CCDC146: variants seen among roughly 807,000 people sequenced by gnomAD.
The protein encoded by CCDC146 is coiled-coil domain containing 146.
Under a neutral mutation model 119.3 loss-of-function variants are expected in CCDC146, and 92 were observed. That is an observed-to-expected ratio of 0.77 (90% CI 0.65 to 0.92). CCDC146 has a LOEUF of 0.92. Among genes scored for constraint, CCDC146 ranks in the 40% least tolerant of loss-of-function variants. The pLI, the probability that CCDC146 is intolerant of heterozygous loss-of-function variation, is 0.00. For missense variants in CCDC146, 1,000 were observed against 1,103.0 expected, an observed-to-expected ratio of 0.91 and a Z score of 1.32; for synonymous variants, 372 against 371.8, an observed-to-expected ratio of 1.00 and a Z score of -0.01.
At chr7:77,292,503 G>GCTACT (rs369940089) in intron 17 of CCDC146, among the ~76,000 whole-genome samples, 40 of 150,030 alleles carry the variant, frequency 2.7e-4, no homozygotes, top group African/African-American at 9.3e-4. Flanking sequence ...TGTAGTCCCA[G>GCTACT]CTACTCGGGA....
chr7:77,292,767 C>G (rs903816351), intron 17 of CCDC146, among the ~76,000 whole-genome samples, 185 bp from the exon 18 acceptor site: 5 of 152,104 alleles, frequency 3.3e-5, no homozygotes, highest in Non-Finnish European at 7.3e-5. Flanking sequence ...TCCTTACTTA[C>G]ACAGCCAGGG....
chr7:77,164,484 A>G (rs1262181042), intron 1 of CCDC146, among the ~76,000 whole-genome samples: 1 of 152,222 alleles, frequency 6.6e-6, no homozygotes, highest in Non-Finnish European at 1.5e-5. Flanking sequence ...ACCACTGGCT[A>G]TTAACATCAC....
intron 6 of CCDC146, among the ~76,000 whole-genome samples, chr7:77,257,516 A>C (rs577095856): frequency 5.1e-4 from 78 of 152,274 alleles, no homozygotes; most frequent in Admixed American, 1.6e-3. Context: ...AGTGAAGCTT[A>C]AGCTTCAGGC....
At chr7:77,221,209 G>T (rs1373670683) in intron 2 of CCDC146, among the ~76,000 whole-genome samples, 1 of 152,108 alleles carries the variant, frequency 6.6e-6, no homozygotes, top group Non-Finnish European at 1.5e-5. Context: ...CTCCAACACT[G>T]GGTATTACAA....
chr7:77,235,589 CA>C (rs1263535552), intron 2 of CCDC146, among the ~76,000 whole-genome samples: 1 of 152,124 alleles, frequency 6.6e-6, no homozygotes, highest in East Asian at 1.9e-4. Context: ...TCTTGAATAC[CA>C]AGGGTCTTGA....
rs1338610540 is a variant in CCDC146, at chr7:77,274,594, T to C, written c.1382T>C (p.Met461Thr). 1 of 1,613,348 alleles carries C rather than the reference T, an allele frequency of 6.2e-7. No individual in the cohort carries two copies. Among genetic ancestry groups the C allele is most frequent in the South Asian group, 1.1e-5 (1 of 90,962 alleles). ...GAGCTAGTAGTCAACCTTCTCCGCATGACTCAAATCAAAATTGATGAAAAG... is the reference window on the plus strand; with the variant it reads ...GAGCTAGTAGTCAACCTTCTCCGCACGACTCAAATCAAAATTGATGAAAAG... ...MKELVVNLLR[M>T]TQIKIDEKEQ... Residue 461 changes from methionine (M) to threonine (T), a missense_variant, in exon 11 of 19, where the codon ATG (methionine) becomes ACG (threonine). Physicochemically the swap from Met to Thr is moderately conservative, Grantham distance 81. Coordinates refer to ENST00000285871, the MANE Select transcript of CCDC146 (RefSeq NM_020879.3).
intron 11 of CCDC146, among the ~76,000 whole-genome samples, chr7:77,275,126 T>C (rs1793608977): frequency 1.3e-5 from 2 of 150,882 alleles, no homozygotes; most frequent in South Asian, 4.2e-4. Flanking sequence ...TTGAACTGCA[T>C]GGGTCCATTT....
intron 1 of CCDC146, among the ~76,000 whole-genome samples, chr7:77,160,444 T>C (rs1370255283): frequency 6.6e-6 from 1 of 152,194 alleles, no homozygotes. Flanking sequence ...TTTTATTTCC[T>C]TGAGCAGTGG....
intron 11 of CCDC146, among the ~76,000 whole-genome samples, chr7:77,275,434 C>G (rs1474353027): frequency 6.6e-6 from 1 of 152,128 alleles, no homozygotes; most frequent in African/African-American, 2.4e-5. Context: ...TAACAGTAAT[C>G]AACAATTTAG....
intron 2 of CCDC146, among the ~76,000 whole-genome samples, chr7:77,185,046 T>C (rs748629): frequency 1.2e-4 from 18 of 152,256 alleles, no homozygotes; most frequent in African/African-American, 4.3e-4. Flanking sequence ...AAATGGATAA[T>C]TATCTACAAG....
intron 2 of CCDC146, among the ~76,000 whole-genome samples, chr7:77,173,695 G>A (rs1252268792): frequency 1.3e-5 from 2 of 152,170 alleles, no homozygotes; most frequent in African/African-American, 2.4e-5. Flanking sequence ...GGCTGTGTGG[G>A]TTAATGTAGG....
intron 1 of CCDC146, among the ~76,000 whole-genome samples, chr7:77,125,673 A>G (rs1183622300): frequency 6.6e-6 from 1 of 152,108 alleles, no homozygotes; most frequent in Non-Finnish European, 1.5e-5. Context: ...AGCAGAGGTC[A>G]TAAGAGAGTT....
intron 1 of CCDC146, among the ~76,000 whole-genome samples, chr7:77,138,886 T>A (rs111778688): frequency 0.012 from 1,769 of 152,322 alleles, 26 homozygotes; most frequent in African/African-American, 0.04. Context: ...AAGAATGTGG[T>A]GCAACAGGAA....
chr7:77,140,168 T>C (rs1790913444), intron 1 of CCDC146, among the ~76,000 whole-genome samples: 1 of 152,014 alleles, frequency 6.6e-6, no homozygotes, highest in East Asian at 1.9e-4. Flanking sequence ...GTGCTGGGAT[T>C]AAAGGCATGA....
intron 1 of CCDC146, among the ~76,000 whole-genome samples, chr7:77,143,381 A>G (rs1489825016): frequency 1.3e-5 from 2 of 151,776 alleles, no homozygotes; most frequent in Admixed American, 6.6e-5. Flanking sequence ...CTTCACTCTG[A>G]TGGTAGTTTC....
intron 1 of CCDC146, among the ~76,000 whole-genome samples, chr7:77,148,184 T>G (rs1223897765): frequency 6.6e-6 from 1 of 152,106 alleles, no homozygotes; most frequent in Non-Finnish European, 1.5e-5. Flanking sequence ...TGAGCGAGGC[T>G]CCGTGGGTGT....
At chr7:77,164,026 A>T (rs1014991098) in intron 1 of CCDC146, among the ~76,000 whole-genome samples, 9 of 150,694 alleles carry the variant, frequency 6.0e-5, no homozygotes, top group African/African-American at 1.9e-4. Flanking sequence ...TGCCTGGCTA[A>T]TTTTTTTTGT....
At chr7:77,262,754 A>G (rs186100676) in intron 9 of CCDC146, among the ~76,000 whole-genome samples, 13 of 152,370 alleles carry the variant, frequency 8.5e-5, no homozygotes, top group Admixed American at 5.2e-4. Context: ...AGGGCAATCC[A>G]GAACCCAATA....
intron 4 of CCDC146, among the ~76,000 whole-genome samples, chr7:77,248,735 C>G (rs930446822): frequency 2.0e-5 from 3 of 152,144 alleles, no homozygotes; most frequent in Non-Finnish European, 4.4e-5. Context: ...AAGAAACACG[C>G]AATTATATCG....
Sources: gnomAD v4.1 joint callset for allele counts (sites outside exome capture counted in the v4.1 genomes callset) on GRCh38, gnomAD v4.1.1 for gene constraint, MANE v1.5 for transcripts, NCBI Gene and HGNC (gene_info 2026-07-23, HGNC 2026-07-21) for gene names.